SERPINI1: variants seen among roughly 807,000 people sequenced by gnomAD.
SERPINI1 encodes the protein serpin family I member 1.
In SERPINI1, 19 loss-of-function variants were observed where a neutral mutation model predicts 41.1. That is an observed-to-expected ratio of 0.46 (90% CI 0.32 to 0.68). The LOEUF (loss-of-function observed/expected upper bound fraction) is 0.68, where lower values mean the gene tolerates loss of function less well. Among genes scored for constraint, SERPINI1 ranks in the 30% least tolerant of loss-of-function variants. The probability of loss-of-function intolerance (pLI) is 0.03; values close to 1 mark genes in which losing one functional copy is unlikely to be tolerated. For missense variants in SERPINI1, 460 were observed against 479.2 expected (o/e 0.96, Z 0.37); for synonymous variants, 138 against 156.6 (o/e 0.88, Z 0.89).
intron 1 of SERPINI1, among the ~76,000 whole-genome samples, chr3:167,739,780 C>T (rs1050890750): frequency 2.6e-5 from 4 of 151,874 alleles, no homozygotes; most frequent in African/African-American, 9.7e-5. Flanking sequence ...TGGAGTTGGT[C>T]ATTAGTTGTT....
At position 167,742,480 on chromosome 3, in the gene SERPINI1, C is replaced by G. The variant is rs114464121; in HGVS notation, c.-19+6657C>G. Among the ~76,000 whole-genome samples, 585 of 152,268 alleles carry G rather than the reference C, an allele frequency of 3.8e-3. 5 individuals carry two copies. The highest frequency in any genetic ancestry group is 0.013 in the African/African-American group (559 of 41,570). ...TGTGCTTGCTGTAAGACAGATGCCT[C>G]TGTTGATCCAGATATCACACTGTCA... On this transcript the variant is annotated intron_variant, in intron 1 of 8. Coordinates refer to ENST00000446050, the MANE Select transcript of SERPINI1 (RefSeq NM_001122752.2).
intron 1 of SERPINI1, among the ~76,000 whole-genome samples, chr3:167,749,355 T>TTTTTTTTTTTTTTTTTTTTTTGAG (rs1725968249): frequency 6.6e-6 from 1 of 152,224 alleles, no homozygotes; most frequent in African/African-American, 2.4e-5. Flanking sequence ...CTATGCTTTT[T>TTTTTTTTTTTTTTTTTTTTTTGAG]ACCATCATTA....
At chr3:167,815,775 G>A (rs532634385) in intron 6 of SERPINI1, among the ~76,000 whole-genome samples, 1 of 152,144 alleles carries the variant, frequency 6.6e-6, no homozygotes, top group South Asian at 2.1e-4. Flanking sequence ...CTCATTTACA[G>A]GTGTAGACAT....
At chr3:167,787,683 G>A (rs1025980128) in intron 1 of SERPINI1, among the ~76,000 whole-genome samples, 1 of 152,224 alleles carries the variant, frequency 6.6e-6, no homozygotes, top group Admixed American at 6.5e-5. Flanking sequence ...TATTTACAAA[G>A]AGGCTGAGAC....
Position 167,813,821 on chromosome 3 carries a change from G to A in SERPINI1, c.979+6480G>A, listed in dbSNP as rs141384161. Among the ~76,000 whole-genome samples the A allele has an allele frequency of 1.9e-3, 289 of 152,258 alleles. 2 individuals carry two copies. The highest frequency in any genetic ancestry group is 6.7e-3 in the African/African-American group (278 of 41,540). On this transcript the variant is annotated intron_variant, in intron 6 of 8. Coordinates refer to ENST00000446050, the MANE Select transcript of SERPINI1 (RefSeq NM_001122752.2). ...GGTAGATACCGAGTGGGTGAGTGTTGTGAGTAAATTTCACTGTACCCCACC... is the reference window on the plus strand; with the variant it reads ...GGTAGATACCGAGTGGGTGAGTGTTATGAGTAAATTTCACTGTACCCCACC...
chr3:167,767,898 G>T (rs994041001), intron 1 of SERPINI1, among the ~76,000 whole-genome samples: 1 of 152,166 alleles, frequency 6.6e-6, no homozygotes, highest in African/African-American at 2.4e-5. Context: ...GATGAGCAAA[G>T]GAAGTGTTTT....
Position 167,790,554 on chromosome 3 carries a change from G to A in SERPINI1, c.433G>A (p.Val145Ile), listed in dbSNP as rs952380439. The change falls in exon 3 of 9, where the codon GTA becomes ATA. Residue 145 changes from valine (V) to isoleucine (I), a missense_variant. Transcript: ENST00000446050. ...AAATCATGTGGACTTCAGTCAAAAT[G>A]TAGCCGTGGCCAACTACATCAATAA... ...AVNHVDFSQN[V>I]AVANYINKWV... 1.2e-6 allele frequency: 2 copies of A among 1,613,844 alleles called. No homozygotes were observed. The highest frequency in any genetic ancestry group is 2.7e-5 in the African/African-American group (2 of 74,938).
chr3:167,757,817 G>T (rs998947941), intron 1 of SERPINI1, among the ~76,000 whole-genome samples: 2 of 152,134 alleles, frequency 1.3e-5, no homozygotes, highest in African/African-American at 4.8e-5. Flanking sequence ...TACTCGGGAG[G>T]CTGAGGCAGA....
chr3:167,774,036 A>G (rs769090945), intron 1 of SERPINI1, among the ~76,000 whole-genome samples: 6 of 149,442 alleles, frequency 4.0e-5, no homozygotes, highest in Non-Finnish European at 3.0e-5. Flanking sequence ...TTCTACCACA[A>G]GTTTTTTTCT....
chr3:167,785,602 C>G (rs1727279322), intron 1 of SERPINI1, among the ~76,000 whole-genome samples: 1 of 152,292 alleles, frequency 6.6e-6, no homozygotes, highest in South Asian at 2.1e-4. Context: ...TAATAAGTGT[C>G]TGTACTTATA....
intron 5 of SERPINI1, among the ~76,000 whole-genome samples, chr3:167,798,372 C>A (rs898801561): frequency 1.3e-5 from 2 of 152,080 alleles, no homozygotes; most frequent in African/African-American, 4.8e-5. Context: ...GGCTAAATAG[C>A]AAAATAAATA....
At chr3:167,741,313 A>T (rs890659552) in intron 1 of SERPINI1, among the ~76,000 whole-genome samples, 12 of 152,208 alleles carry the variant, frequency 7.9e-5, no homozygotes, top group Non-Finnish European at 1.5e-4. Context: ...TATATCTCAC[A>T]CCAGGATTCC....
chr3:167,812,623 C>A (rs1711931936), intron 6 of SERPINI1, among the ~76,000 whole-genome samples: 1 of 152,164 alleles, frequency 6.6e-6, no homozygotes, highest in Non-Finnish European at 1.5e-5. Context: ...TTAAACCCTC[C>A]AAGATTGATT....
chr3:167,811,997 AAAAAT>A (rs753209065), intron 6 of SERPINI1, among the ~76,000 whole-genome samples: 70 of 152,282 alleles, frequency 4.6e-4, no homozygotes, highest in Non-Finnish European at 8.1e-4. Flanking sequence ...AGCAGTGGGG[AAAAAT>A]AAAACCTGCT....
chr3:167,807,173 C>G, intron 5 of SERPINI1, 71 bp from the exon 6 acceptor site: 2 of 1,046,080 alleles, frequency 1.9e-6, no homozygotes, highest in Non-Finnish European at 3.0e-6. Flanking sequence ...ATCCACATAT[C>G]TAACACTTTG....
In SERPINI1 at chr3:167,786,840, C is replaced by T. The variant is rs560286434; in HGVS notation, c.-18-2271C>T. Among the ~76,000 whole-genome samples, 8 of 152,208 alleles carry T rather than the reference C, an allele frequency of 5.3e-5. No homozygotes were observed. In the East Asian group the frequency reaches 1.5e-3, roughly 29 times the overall value. On this transcript the variant is annotated intron_variant, in intron 1 of 8. Transcript: ENST00000446050. Reference sequence around the variant, plus strand: ...CACCACATCTGGCTCCAGTAGTGTACAGCAATGTCCTAGGCTTCATATTCA... The same window carrying T: ...CACCACATCTGGCTCCAGTAGTGTATAGCAATGTCCTAGGCTTCATATTCA...
chr3:167,743,808 G>C (rs1298671459), intron 1 of SERPINI1, among the ~76,000 whole-genome samples: 4 of 152,204 alleles, frequency 2.6e-5, no homozygotes, highest in African/African-American at 9.6e-5. Flanking sequence ...TACTATTGTA[G>C]AAAGCCAGAA....
intron 1 of SERPINI1, among the ~76,000 whole-genome samples, chr3:167,784,397 C>G (rs1020883604): frequency 2.6e-5 from 4 of 152,192 alleles, no homozygotes; most frequent in Admixed American, 2.0e-4. Flanking sequence ...CATGGAACCT[C>G]TATCAGTCTT....
At chr3:167,752,562 C>T (rs539726524) in intron 1 of SERPINI1, among the ~76,000 whole-genome samples, 41 of 152,204 alleles carry the variant, frequency 2.7e-4, no homozygotes, top group African/African-American at 9.4e-4. Flanking sequence ...CCATAGTCAA[C>T]TATCTTCTCT....
Sources: gnomAD v4.1 joint callset for allele counts (sites outside exome capture counted in the v4.1 genomes callset) on GRCh38, gnomAD v4.1.1 for gene constraint, MANE v1.5 for transcripts, NCBI Gene and HGNC (gene_info 2026-07-23, HGNC 2026-07-21) for gene names.